SFTPC: variants seen among roughly 807,000 people sequenced by gnomAD.
SFTPC encodes surfactant protein C.
SFTPC carries 12 observed loss-of-function variants against 19.9 expected under a neutral mutation model. That is an observed-to-expected ratio of 0.60 (90% CI 0.39 to 0.98). The LOEUF (loss-of-function observed/expected upper bound fraction) is 0.98. Among genes scored for constraint, SFTPC ranks in the 50% least tolerant of loss-of-function variants. The pLI is 0.00. For missense variants in SFTPC, 219 were observed against 252.2 expected (o/e 0.87, Z 0.89); for synonymous variants, 123 against 103.3 (o/e 1.19, Z -1.16).
Position 22,162,595 on chromosome 8 carries a change from G to A in SFTPC, c.64G>A (p.Gly22Ser). 1 of 1,614,002 alleles carries A rather than the reference G, an allele frequency of 6.2e-7. No individual in the cohort carries two copies. Among genetic ancestry groups the A allele is most frequent in the Non-Finnish European group, 8.5e-7 (1 of 1,179,978 alleles). ...TCAGGACTACTCCGCAGCTCCCCGG[G>A]GCCGATTTGGCATTCCCTGCTGCCC... ...SPPDYSAAPR[G>S]RFGIPCCPVH... Residue 22 changes from glycine (G) to serine (S), a missense_variant, in exon 2 of 6, where the codon GGC (glycine) becomes AGC (serine). Coordinates refer to ENST00000679463, the MANE Select transcript of SFTPC (RefSeq NM_001317778.2).
chr8:22,159,966 C>A, upstream of SFTPC: 1 of 626,434 alleles, frequency 1.6e-6, no homozygotes, highest in Non-Finnish European at 2.5e-6. Context: ...ACATCTGGCA[C>A]CTGCACACAG....
upstream of SFTPC, chr8:22,159,801 G>T: frequency 7.8e-7 from 1 of 1,289,470 alleles, no homozygotes. Flanking sequence ...CGAGATGCCT[G>T]CAGTGCTTGG....
Position 22,161,812 on chromosome 8 carries a change from A to G in SFTPC, c.-17A>G, listed in dbSNP as rs758095773. ...ACCTGGGAGAGGAGGAGAGGAGAGC[A>G]TAGCACCTGCAGCAAGATGGATGTG... On this transcript the variant is annotated 5_prime_UTR_variant, in exon 1 of 6. Coordinates refer to ENST00000679463, the MANE Select transcript of SFTPC (RefSeq NM_001317778.2). 8.7e-6 allele frequency: 14 copies of G among 1,613,998 alleles called. No individual in the cohort carries two copies. The highest frequency in any genetic ancestry group is 1.2e-5 in the Non-Finnish European group (14 of 1,180,024).
chr8:22,161,609 G>A (rs1371512818), upstream of SFTPC: 2 of 1,444,220 alleles, frequency 1.4e-6, no homozygotes, highest in African/African-American at 2.8e-5. Flanking sequence ...GGGCCAAGAG[G>A]ACTCATGTGC....
Position 22,164,077 on chromosome 8 carries a change from CT to C in SFTPC, c.*18+19del, listed in dbSNP as rs1563226259. On this transcript the variant is annotated intron_variant, in intron 5 of 5. Transcript: ENST00000679463. ...GTGAGCAGGTGTGATCCCAGGGCCC[CT>C]GATCAGCAGCGGAGGAGCGCTCGGG... The C allele has an allele frequency of 3.1e-6, 5 of 1,611,512 alleles. No individual in the cohort carries two copies. The South Asian group carries it at 3.3e-5, about 11-fold the overall frequency.
chr8:22,161,591 T>C, upstream of SFTPC: 1 of 1,323,702 alleles, frequency 7.6e-7, no homozygotes, highest in Non-Finnish European at 1.0e-6. Context: ...CCAGGTTTGC[T>C]CTTGCTGGGG....
intron 2 of SFTPC, 83 bp from the exon 3 acceptor site, chr8:22,162,997 G>T: frequency 6.3e-7 from 1 of 1,585,168 alleles, no homozygotes; most frequent in Non-Finnish European, 8.6e-7. Context: ...GCGCATTTGA[G>T]TACAGAGGCC....
At chr8:22,162,371 C>T (rs1184404326) in intron 1 of SFTPC, among the ~76,000 whole-genome samples, 1 of 152,168 alleles carries the variant, frequency 6.6e-6, no homozygotes, top group Non-Finnish European at 1.5e-5. Flanking sequence ...TGCTTCTAAG[C>T]TTCTATGTGT....
Position 22,163,243 on chromosome 8 carries a change from A to C in SFTPC, c.324+41A>C, listed in dbSNP as rs1827838378. 2.5e-6 allele frequency: 4 copies of C among 1,613,800 alleles called. No individual in the cohort carries two copies. In the East Asian group the frequency reaches 8.9e-5, roughly 36 times the overall value. On this transcript the variant is annotated intron_variant, in intron 3 of 5. Transcript: ENST00000679463. Reference sequence around the variant, plus strand: ...CCTCCTGACCCTGGGACCAATGACAAGGCTCTGCTAGAGCCACCCAGCTGG... The same window carrying C: ...CCTCCTGACCCTGGGACCAATGACACGGCTCTGCTAGAGCCACCCAGCTGG...
Position 22,162,652 on chromosome 8 carries a change from G to C in SFTPC, c.121G>C (p.Val41Leu). The C allele has an allele frequency of 1.9e-6, 3 of 1,614,224 alleles. No individual in the cohort carries two copies. Among genetic ancestry groups the C allele is most frequent in the Non-Finnish European group, 2.5e-6 (3 of 1,180,018 alleles). Residue 41 changes from valine (V) to leucine (L), a missense_variant, in exon 2 of 6, where the codon GTG becomes CTG. Coordinates refer to ENST00000679463, the MANE Select transcript of SFTPC (RefSeq NM_001317778.2). ...VHLKRLLIVVVVVVLIVVVIV... is the reference protein window; with the variant it reads ...VHLKRLLIVVLVVVLIVVVIV... ...CCTGAAACGCCTTCTTATCGTGGTG[G>C]TGGTGGTGGTCCTCATCGTCGTGGT...
upstream of SFTPC, chr8:22,159,469 T>C: frequency 3.1e-6 from 1 of 326,042 alleles, no homozygotes; most frequent in Non-Finnish European, 6.0e-6. Context: ...TGTCTCCTTC[T>C]CCAAGGAACC....
intron 4 of SFTPC, 167 bp from the exon 5 acceptor site, chr8:22,163,734 T>G: frequency 1.2e-6 from 1 of 822,648 alleles, no homozygotes; most frequent in Non-Finnish European, 2.1e-6. Context: ...TGGGCTCAGC[T>G]GAGTCCACTC....
upstream of SFTPC, chr8:22,159,931 G>A (rs1201355868): frequency 2.3e-6 from 2 of 877,570 alleles, no homozygotes; most frequent in Non-Finnish European, 3.2e-6. Flanking sequence ...GGGCAGGGGT[G>A]GGCACTGCAG....
intron 4 of SFTPC, 164 bp downstream of exon 4, chr8:22,163,710 C>T: frequency 1.3e-6 from 1 of 797,500 alleles, no homozygotes; most frequent in Non-Finnish European, 2.2e-6. Flanking sequence ...CTTCCCACCC[C>T]ACTGCCAAGC....
At chr8:22,163,260 C>G in intron 3 of SFTPC, 58 bp downstream of exon 3, 1 of 1,608,842 alleles carries the variant, frequency 6.2e-7, no homozygotes, top group South Asian at 1.1e-5. Flanking sequence ...GCTAGAGCCA[C>G]CCAGCTGGGC....
In SFTPC at chr8:22,164,420, C is replaced by A. The variant is rs1126931; in HGVS notation, c.*173C>A. On this transcript the variant is annotated 3_prime_UTR_variant, in exon 6 of 6. Transcript: ENST00000679463. ...AGAGGATGGGAGTGGGCAGAGGTGG[C>A]GCCCAGGGGCCCGGGAACTCCTGCC... 3.3e-6 allele frequency: 5 copies of A among 1,501,198 alleles called. No individual in the cohort carries two copies. The East Asian group carries it at 1.2e-4, about 37-fold the overall frequency. 93.0% of individuals were successfully genotyped at this position (1,501,198 alleles called of 1,614,324 possible).
At chr8:22,162,960 C>T in intron 2 of SFTPC, 120 bp from the exon 3 acceptor site, 1 of 1,474,236 alleles carries the variant, frequency 6.8e-7, no homozygotes, top group Non-Finnish European at 9.3e-7. Flanking sequence ...TCCACTCAGC[C>T]TCCCTGAACT....
At position 22,162,743 on chromosome 8, in the gene SFTPC, TG is replaced by T. The variant is rs1262994149; in HGVS notation, c.201+14del. On this transcript the variant is annotated intron_variant, in intron 2 of 5. Coordinates refer to ENST00000679463, the MANE Select transcript of SFTPC (RefSeq NM_001317778.2). ...AAACACACGGAGATGGTGAGAGGTG[TG>T]GGATGCACAGCAGTGGGCACAGGAC... 9 of 1,613,500 alleles carry T rather than the reference TG, an allele frequency of 5.6e-6. No homozygotes were observed. Among genetic ancestry groups the T allele is most frequent in the Non-Finnish European group, 7.6e-6 (9 of 1,179,868 alleles).
In SFTPC at chr8:22,164,454, A is replaced by G. The variant is rs1428623769; in HGVS notation, c.*207A>G. ...GCCCGGGAACTCCTGCCACAACAGA[A>G]TAAAGCAGCCTGATTGAAAAGCAAA... On this transcript the variant is annotated 3_prime_UTR_variant, in exon 6 of 6. Coordinates refer to ENST00000679463, the MANE Select transcript of SFTPC (RefSeq NM_001317778.2). 2.0e-6 allele frequency: 3 copies of G among 1,469,558 alleles called. No homozygotes were observed. The highest frequency in any genetic ancestry group is 2.5e-5 in the East Asian group (1 of 40,368). The allele number at this position is 1,469,558 out of a possible 1,614,324, so 91.0% of individuals were successfully genotyped here.
Sources: allele counts gnomAD v4.1 joint callset (sites outside exome capture counted in the v4.1 genomes callset), GRCh38; gene constraint gnomAD v4.1.1; transcripts MANE v1.5; gene names NCBI Gene and HGNC (gene_info 2026-07-23, HGNC 2026-07-21).